The following VCL variants were observed in gnomAD, a reference collection of about 807,000 sequenced individuals.
The protein encoded by VCL is vinculin.
A neutral mutation model predicts 125.7 loss-of-function variants in VCL; 47 were observed. The observed-to-expected ratio is 0.37, with a 90% confidence interval of 0.30 to 0.48. VCL has a LOEUF of 0.48. VCL is among the 20% of genes least tolerant of loss of function. The probability of loss-of-function intolerance (pLI) is 0.99; values close to 1 mark genes in which losing one functional copy is unlikely to be tolerated. For synonymous variants in VCL, 458 were observed against 514.6 expected, an observed-to-expected ratio of 0.89 and a Z score of 1.49; for missense variants, 1,069 against 1,455.5, an observed-to-expected ratio of 0.73 and a Z score of 4.32.
intron 6 of VCL, among the ~76,000 whole-genome samples, chr10:74,080,245 C>G (rs529973159): frequency 3.3e-5 from 5 of 152,030 alleles, no homozygotes; most frequent in African/African-American, 1.2e-4. Context: ...TCAAAACTGA[C>G]AAGGCAGAGA....
chr10:74,066,402 A>C (rs529095265), intron 2 of VCL, among the ~76,000 whole-genome samples: 2 of 152,228 alleles, frequency 1.3e-5, no homozygotes, highest in African/African-American at 4.8e-5. Flanking sequence ...TAGTAGCTAC[A>C]GTTGTTAACA....
At chr10:73,999,907 C>T (rs1020716891) in intron 1 of VCL, among the ~76,000 whole-genome samples, 9 of 152,158 alleles carry the variant, frequency 5.9e-5, no homozygotes, top group Non-Finnish European at 5.9e-5. Flanking sequence ...GTAGTGTTGT[C>T]TAACATGGCT....
intron 5 of VCL, among the ~76,000 whole-genome samples, 171 bp downstream of exon 5, chr10:74,073,023 C>T (rs1041377665): frequency 1.3e-5 from 2 of 151,818 alleles, no homozygotes; most frequent in South Asian, 2.1e-4. Flanking sequence ...TCACTGCAAC[C>T]TCTGCCTCCT....
At chr10:74,058,341 C>CT (rs1219235924) in intron 2 of VCL, among the ~76,000 whole-genome samples, 5 of 152,086 alleles carry the variant, frequency 3.3e-5, no homozygotes, top group Non-Finnish European at 7.4e-5. Flanking sequence ...GCAACAAGCT[C>CT]TCTCTCTCTA....
Position 74,105,334 on chromosome 10 carries a change from T to C in VCL, c.2415T>C (p.Ala805=). ...TGGTGATGGATGCAAAAGCTGTGGC[T>C]GGAAACATTTCCGACCCTGGTAAGC... is the stretch of plus-strand genomic sequence containing the variant. ...SPMVMDAKAV[A]GNISDPGLQK... The change falls in exon 16 of 22, where the codon GCT becomes GCC. Residue 805 remains alanine, a synonymous_variant. Transcript: ENST00000211998. 1 of 1,612,454 alleles carries C rather than the reference T, an allele frequency of 6.2e-7. No homozygotes were observed. Among genetic ancestry groups the C allele is most frequent in the Non-Finnish European group, 8.5e-7 (1 of 1,179,994 alleles).
At chr10:74,016,781 A>C (rs1840549167) in intron 1 of VCL, 1 of 152,158 alleles carries the variant, frequency 6.6e-6, no homozygotes, top group African/African-American at 2.4e-5. Flanking sequence ...ACATACCTCC[A>C]GAACCTTTTT....
chr10:74,023,236 C>T (rs1840706234), intron 1 of VCL, among the ~76,000 whole-genome samples: 1 of 152,194 alleles, frequency 6.6e-6, no homozygotes, highest in African/African-American at 2.4e-5. Flanking sequence ...TGTACCTTTT[C>T]TATGTTTAGA....
rs761794669 is a variant in VCL at position 74,111,911 on chromosome 10, G to A, written c.2748G>A (p.Pro916=). ...HDEARKWSSK[P]GIPAAEVGIG... is the part of the protein sequence containing the mutation. The stretch of plus-strand genomic sequence containing the variant: ...CATCCTTCCCGCCATCGACAAAGCC[G>A]GGCATCCCAGCCGCTGAGGTGGGTA... Residue 916 remains proline, a splice_region_variant and synonymous_variant, in exon 19 of 22, where the codon CCG becomes CCA. Transcript: ENST00000211998. The A allele has an allele frequency of 1.5e-5, 24 of 1,614,030 alleles. No individual in the cohort carries two copies. The African/African-American group carries it at 1.6e-4, about 11-fold the overall frequency.
At chr10:74,017,980 GAA>G (rs1840583447) in intron 1 of VCL, among the ~76,000 whole-genome samples, 1 of 150,722 alleles carries the variant, frequency 6.6e-6, no homozygotes, top group Non-Finnish European at 1.5e-5. Context: ...GCAACATGAC[GAA>G]ACTCCTTCTC....
chr10:74,117,373 C>T (rs189639265), intron 21 of VCL, among the ~76,000 whole-genome samples: 1 of 152,268 alleles, frequency 6.6e-6, no homozygotes, highest in Admixed American at 6.5e-5. Flanking sequence ...TAAGGCCAAG[C>T]GCGGTGGCTC....
At position 74,097,920 on chromosome 10, in the gene VCL, A is replaced by G. The variant is rs905659248; in HGVS notation, c.1872+588A>G. Among the ~76,000 whole-genome samples, 4 of 152,298 alleles carry G rather than the reference A, an allele frequency of 2.6e-5. No individual in the cohort carries two copies. Among genetic ancestry groups the G allele is most frequent in the Admixed American group, 6.5e-5 (1 of 15,308 alleles). On this transcript the variant is annotated intron_variant, in intron 13 of 21. Transcript: ENST00000211998. The surrounding 1 kb of genome is among the most constrained non-coding windows in gnomAD (Gnocchi z 4.1). Reference sequence around the variant, plus strand: ...AGGAAAACGAAAAACCTTGATTTGTAATGTTTGTTGATTTCCATTATGTAA... The same window carrying G: ...AGGAAAACGAAAAACCTTGATTTGTGATGTTTGTTGATTTCCATTATGTAA...
At chr10:74,093,999 A>C (rs2131914003) in intron 10 of VCL, among the ~76,000 whole-genome samples, 1 of 152,312 alleles carries the variant, frequency 6.6e-6, no homozygotes, top group South Asian at 2.1e-4. Flanking sequence ...CCGCTAACCT[A>C]GTGATGATTG....
At chr10:74,108,861 G>A in intron 17 of VCL, 110 bp from the exon 18 acceptor site, 1 of 1,217,288 alleles carries the variant, frequency 8.2e-7, no homozygotes, top group South Asian at 1.2e-5. Flanking sequence ...GTGGTCTTAT[G>A]TGGAGTCAAT....
intron 2 of VCL, among the ~76,000 whole-genome samples, chr10:74,063,061 C>T (rs1422785129): frequency 6.6e-6 from 1 of 151,788 alleles, no homozygotes; most frequent in African/African-American, 2.4e-5. Flanking sequence ...CACAGCCAGA[C>T]TTTGTCTAAA....
chr10:74,094,272 G>A lies in VCL; in HGVS notation c.1354G>A (p.Gly452Arg), dbSNP rs1015527957. The change falls in exon 11 of 22, where the codon GGG (glycine) becomes AGG (arginine). Residue 452 changes from glycine to arginine, a missense_variant and splice_region_variant. Gly to Arg is a moderately radical substitution (Grantham distance 125, BLOSUM62 -2). This residue lies in a region of VCL where 760 missense variants were observed against 928.9 expected (regional missense o/e 0.82). Transcript: ENST00000211998. ...TSKLADLRRQ[G>R]KGDSPEARAL... ...GGATGGCTGTCTTTTTCTCTGTAGG[G>A]GGAAAGGAGATTCTCCAGAGGCTCG... 58 of 1,614,102 alleles carry A rather than the reference G, an allele frequency of 3.6e-5. No homozygotes were observed. The highest frequency in any genetic ancestry group is 4.7e-5 in the Non-Finnish European group (56 of 1,180,034).
At chr10:74,066,058 TA>T (rs1203240031) in intron 2 of VCL, among the ~76,000 whole-genome samples, 3 of 141,972 alleles carry the variant, frequency 2.1e-5, no homozygotes, top group Admixed American at 6.9e-5. Flanking sequence ...TATATATATA[TA>T]TATTTTTTTT....
intron 2 of VCL, among the ~76,000 whole-genome samples, chr10:74,056,481 G>A (rs548925802): frequency 6.6e-6 from 1 of 152,204 alleles, no homozygotes; most frequent in South Asian, 2.1e-4. Context: ...TTTGCATTAT[G>A]TTGTACTTTA....
chr10:74,098,085 C>T (rs1325941037), intron 13 of VCL, among the ~76,000 whole-genome samples: 1 of 152,162 alleles, frequency 6.6e-6, no homozygotes, highest in East Asian at 1.9e-4. Flanking sequence ...CCATCCATTT[C>T]TTTGCTCTCG....
At chr10:74,081,615 CTGTGTTTTTA>C (rs1250520195) in intron 6 of VCL, among the ~76,000 whole-genome samples, 6 of 152,238 alleles carry the variant, frequency 3.9e-5, no homozygotes, top group African/African-American at 1.4e-4. Context: ...ATATTGTTCT[CTGTGTTTTTA>C]TGTGTTTAAA....
Sources: gnomAD v4.1 joint callset for allele counts (sites outside exome capture counted in the v4.1 genomes callset) on GRCh38, gnomAD v4.1.1 for gene constraint, gnomAD v4.1.1 regional missense constraint, Gnocchi (gnomAD v3.1) non-coding constraint, MANE v1.5 for transcripts, NCBI Gene and HGNC (gene_info 2026-07-23, HGNC 2026-07-21) for gene names.